Variants in SFMBT2 observed in about 807,000 individuals in gnomAD.
SFMBT2 encodes the protein Scm like with four mbt domains 2, also known as scm-like with four MBT domains protein 2.
Under a neutral mutation model 110.1 loss-of-function variants are expected in SFMBT2, and 38 were observed. The ratio of observed to expected loss-of-function variants is 0.35; its 90% CI spans 0.27 to 0.45. The LOEUF (loss-of-function observed/expected upper bound fraction) is 0.45. SFMBT2 is among the 20% of genes least tolerant of loss of function. SFMBT2 has a pLI of 1.00. For missense variants in SFMBT2, 1,011 were observed against 1,094.9 expected (o/e 0.92, Z 1.08); for synonymous variants, 425 against 425.4 (o/e 1.00, Z 0.01).
chr10:7,372,864 G>T (rs1430421446), intron 2 of SFMBT2, among the ~76,000 whole-genome samples: 6 of 152,216 alleles, frequency 3.9e-5, no homozygotes, highest in African/African-American at 1.4e-4. Flanking sequence ...TCTGGCCTCA[G>T]CTTGAACCAG....
In SFMBT2 at chr10:7,185,781, G is replaced by A. The variant is rs527364965; in HGVS notation, c.1808+2843C>T. Among the ~76,000 whole-genome samples the A allele has an allele frequency of 9.2e-4, 140 of 152,140 alleles. 1 individual carries two copies. Among genetic ancestry groups the A allele is most frequent in the Non-Finnish European group, 1.9e-4 (13 of 67,996 alleles). The stretch of plus-strand genomic sequence containing the variant: ...TTCCCTCAAGAAGATTCTGTAACAT[G>A]CTGAAAAACATATTTAAATGTCTCT... On this transcript the variant is annotated intron_variant, in intron 16 of 20. Coordinates refer to ENST00000397167, the MANE Select transcript of SFMBT2 (RefSeq NM_001387889.1).
At chr10:7,262,717 C>T (rs541414521) in intron 7 of SFMBT2, among the ~76,000 whole-genome samples, 46 of 152,342 alleles carry the variant, frequency 3.0e-4, no homozygotes, top group African/African-American at 1.1e-3. Context: ...CGATGGCGAA[C>T]TCTGTATAGA....
intron 1 of SFMBT2, among the ~76,000 whole-genome samples, chr10:7,403,938 A>G (rs543507649): frequency 6.6e-6 from 1 of 152,306 alleles, no homozygotes; most frequent in Admixed American, 6.5e-5. Flanking sequence ...TTTATTTTTA[A>G]AAGTATTTGA....
intron 4 of SFMBT2, among the ~76,000 whole-genome samples, chr10:7,323,338 C>A (rs957167428): frequency 6.6e-6 from 1 of 150,810 alleles, no homozygotes; most frequent in Non-Finnish European, 1.5e-5. Flanking sequence ...ATAGTCCCAG[C>A]TAATGGGGAG....
intron 10 of SFMBT2, among the ~76,000 whole-genome samples, chr10:7,225,593 C>G (rs1839876145): frequency 6.6e-6 from 1 of 152,174 alleles, no homozygotes; most frequent in African/African-American, 2.4e-5. Flanking sequence ...GTGGACAAAT[C>G]CTGAAAGCTC....
chr10:7,234,209 GAAAA>G (rs1554790987), intron 9 of SFMBT2, among the ~76,000 whole-genome samples: 4 of 87,972 alleles, frequency 4.5e-5, no homozygotes, highest in African/African-American at 1.4e-4. Context: ...AACAGTGCAG[GAAAA>G]AAACAAACAA....
chr10:7,275,522 G>A (rs1224909353), intron 7 of SFMBT2, among the ~76,000 whole-genome samples: 1 of 152,020 alleles, frequency 6.6e-6, no homozygotes, highest in African/African-American at 2.4e-5. Context: ...ACAAAGAGGA[G>A]AAGAGAGAAA....
At position 7,352,613 on chromosome 10, in the gene SFMBT2, T is replaced by A. The variant is rs141794007; in HGVS notation, c.436+15036A>T. The stretch of plus-strand genomic sequence containing the variant: ...CCCACCCAGAATAGAGGAGTCATAT[T>A]CCCCATGCCTCCAGAGATTAGAGTT... On this transcript the variant is annotated intron_variant, in intron 4 of 20. Transcript: ENST00000397167. Among the ~76,000 whole-genome samples the A allele has an allele frequency of 6.1e-4, 93 of 152,232 alleles. 1 individual carries two copies. The highest frequency in any genetic ancestry group is 2.2e-3 in the African/African-American group (91 of 41,536).
chr10:7,285,019 CTA>C (rs1273511700), intron 5 of SFMBT2: 1 of 152,172 alleles, frequency 6.6e-6, no homozygotes, highest in Non-Finnish European at 1.5e-5. Flanking sequence ...CTATATTAGA[CTA>C]TGACGTTCTA....
intron 9 of SFMBT2, among the ~76,000 whole-genome samples, chr10:7,228,701 TTCTTTC>T (rs1839981358): frequency 7.6e-6 from 1 of 131,612 alleles, no homozygotes; most frequent in African/African-American, 3.0e-5. Context: ...CTTTCTTTCT[TTCTTTC>T]TTTCTTTCTT....
At chr10:7,303,450 A>G (rs1842609246) in intron 4 of SFMBT2, among the ~76,000 whole-genome samples, 2 of 152,208 alleles carry the variant, frequency 1.3e-5, no homozygotes, top group South Asian at 4.1e-4. Context: ...TGCAACCATT[A>G]TTCTTTCCAC....
At chr10:7,230,051 T>C (rs1840070598) in intron 9 of SFMBT2, among the ~76,000 whole-genome samples, 1 of 151,000 alleles carries the variant, frequency 6.6e-6, no homozygotes, top group Non-Finnish European at 1.5e-5. Flanking sequence ...GATGGGAGGG[T>C]GACAGTTAAG....
At chr10:7,262,841 G>A (rs1377724664) in intron 7 of SFMBT2, among the ~76,000 whole-genome samples, 1 of 152,122 alleles carries the variant, frequency 6.6e-6, no homozygotes, top group Non-Finnish European at 1.5e-5. Flanking sequence ...GGCCCCGCTG[G>A]TCCTTTTTTG....
chr10:7,299,398 C>A (rs1232780648), intron 4 of SFMBT2, among the ~76,000 whole-genome samples: 1 of 152,120 alleles, frequency 6.6e-6, no homozygotes, highest in African/African-American at 2.4e-5. Flanking sequence ...AAGAAAAAAA[C>A]AACCCCATCA....
At chr10:7,204,626 C>A in intron 12 of SFMBT2, 1 of 509,462 alleles carries the variant, frequency 2.0e-6, no homozygotes, top group Non-Finnish European at 2.5e-6. Context: ...GTAATTCCAG[C>A]ACTTTGGGAG....
chr10:7,407,331 C>T (rs143768146), intron 1 of SFMBT2, among the ~76,000 whole-genome samples: 4,534 of 151,256 alleles, frequency 0.03, 93 homozygotes, highest in South Asian at 0.048. Flanking sequence ...TGGGTTCTTT[C>T]CCTTGGTGTA....
intron 11 of SFMBT2, among the ~76,000 whole-genome samples, chr10:7,212,057 G>A (rs568473960): frequency 6.0e-4 from 92 of 152,336 alleles, no homozygotes; most frequent in African/African-American, 2.1e-3. Context: ...AGGGGAGGGA[G>A]ACTTTGCAAA....
intron 15 of SFMBT2, among the ~76,000 whole-genome samples, chr10:7,191,820 A>G (rs1303403737): frequency 2.6e-5 from 4 of 152,192 alleles, no homozygotes; most frequent in African/African-American, 9.6e-5. Context: ...TTAGTTCAAT[A>G]ATTTCAATAT....
In SFMBT2 at chr10:7,253,166, C is replaced by T. The variant is rs148494359; in HGVS notation, c.871-4517G>A. ...TGGGACCCCCTTCCAGCCCTCACCC[C>T]GGGCACCTCTTCCATTTGGCTGTTC... On this transcript the variant is annotated intron_variant, in intron 7 of 20. Coordinates refer to ENST00000397167, the MANE Select transcript of SFMBT2 (RefSeq NM_001387889.1). Among the ~76,000 whole-genome samples, 372 of 152,280 alleles carry T rather than the reference C, an allele frequency of 2.4e-3. 2 individuals carry two copies. Among genetic ancestry groups the T allele is most frequent in the African/African-American group, 8.7e-3 (360 of 41,562 alleles).
Sources: allele counts gnomAD v4.1 joint callset (sites outside exome capture counted in the v4.1 genomes callset), GRCh38; gene constraint gnomAD v4.1.1; transcripts MANE v1.5; gene names NCBI Gene and HGNC (gene_info 2026-07-23, HGNC 2026-07-21).